Variants in UVRAG observed in about 807,000 individuals in gnomAD.
UVRAG encodes UV radiation resistance-associated gene protein.
In UVRAG, 19 loss-of-function variants were observed where a neutral mutation model predicts 78.0. The observed-to-expected ratio is 0.24, with a 90% confidence interval of 0.17 to 0.36. The LOEUF (loss-of-function observed/expected upper bound fraction) is 0.36, where lower values mean the gene tolerates loss of function less well. Among genes scored for constraint, UVRAG ranks in the 10% least tolerant of loss-of-function variants. The pLI is 1.00. For missense variants in UVRAG, 740 were observed against 853.8 expected (o/e 0.87, Z 1.66); for synonymous variants, 323 against 324.6 (o/e 1.00, Z 0.05).
intron 12 of UVRAG, among the ~76,000 whole-genome samples, chr11:76,060,799 C>T (rs546366272): frequency 7.9e-5 from 12 of 152,254 alleles, no homozygotes; most frequent in East Asian, 3.8e-4. Flanking sequence ...GCTGCCTCCC[C>T]GTGGGGCAGG....
intron 14 of UVRAG, among the ~76,000 whole-genome samples, chr11:76,117,239 G>A (rs924644944): frequency 6.6e-6 from 1 of 152,044 alleles, no homozygotes; most frequent in African/African-American, 2.4e-5. Flanking sequence ...CTAACACAAT[G>A]GTAAATAACC....
At chr11:75,997,006 C>G (rs1327215159) in intron 8 of UVRAG, among the ~76,000 whole-genome samples, 1 of 152,140 alleles carries the variant, frequency 6.6e-6, no homozygotes, top group Non-Finnish European at 1.5e-5. Flanking sequence ...TCTCTTAGCA[C>G]TAAATGCAGA....
intron 1 of UVRAG, among the ~76,000 whole-genome samples, chr11:75,822,679 T>TTA (rs771576227): frequency 4.4e-4 from 67 of 151,106 alleles, no homozygotes; most frequent in African/African-American, 1.6e-3. Context: ...TTTTTTTTTT[T>TTA]AAATAAACAA....
At chr11:75,827,416 C>A (rs1256987551) in intron 1 of UVRAG, among the ~76,000 whole-genome samples, 1 of 152,036 alleles carries the variant, frequency 6.6e-6, no homozygotes, top group Non-Finnish European at 1.5e-5. Flanking sequence ...TCGAGACTAG[C>A]CTGCCCAACA....
At chr11:75,878,028 T>C (rs1160865263) in intron 3 of UVRAG, among the ~76,000 whole-genome samples, 4 of 109,940 alleles carry the variant, frequency 3.6e-5, no homozygotes, top group Admixed American at 2.7e-4. Context: ...CCAGACGGGG[T>C]GGCTGCCGGG....
At chr11:75,959,871 T>G (rs72999579) in intron 6 of UVRAG, among the ~76,000 whole-genome samples, 1,797 of 152,274 alleles carry the variant, frequency 0.012, 25 homozygotes, top group Non-Finnish European at 0.014. Flanking sequence ...CCTAATTTCA[T>G]TATTGTTGTG....
chr11:76,067,266 A>G (rs932142967), intron 13 of UVRAG, among the ~76,000 whole-genome samples: 2 of 152,168 alleles, frequency 1.3e-5, no homozygotes, highest in Non-Finnish European at 2.9e-5. Flanking sequence ...GCCCTCTGAC[A>G]GTCTCTGGCC....
At chr11:75,883,688 C>T (rs557236682) in intron 4 of UVRAG, among the ~76,000 whole-genome samples, 12 of 152,258 alleles carry the variant, frequency 7.9e-5, no homozygotes, top group Middle Eastern at 3.4e-3. Context: ...TTGATGAATA[C>T]CTTCATAGAG....
chr11:75,877,996 G>A (rs991667864), intron 3 of UVRAG, among the ~76,000 whole-genome samples: 32 of 150,758 alleles, frequency 2.1e-4, no homozygotes, highest in Non-Finnish European at 4.0e-4. Context: ...GGCGGCTGCC[G>A]GGCGGAGACG....
At chr11:76,120,840 T>G (rs989890882) in intron 14 of UVRAG, among the ~76,000 whole-genome samples, 7 of 152,192 alleles carry the variant, frequency 4.6e-5, no homozygotes, top group African/African-American at 1.7e-4. Context: ...AGAGCAGCCG[T>G]GGAGTGAGGA....
chr11:75,844,382 A>G (rs1215393185), intron 1 of UVRAG, among the ~76,000 whole-genome samples: 1 of 151,854 alleles, frequency 6.6e-6, no homozygotes, highest in Non-Finnish European at 1.5e-5. Flanking sequence ...GCCCGCCACC[A>G]CGCCTGGCTA....
chr11:76,107,137 C>A (rs1951985794), intron 13 of UVRAG, among the ~76,000 whole-genome samples: 1 of 152,184 alleles, frequency 6.6e-6, no homozygotes, highest in East Asian at 1.9e-4. Flanking sequence ...TAGTTGCTTT[C>A]TGGCCAATAT....
chr11:75,836,514 C>A (rs1487267477), intron 1 of UVRAG, among the ~76,000 whole-genome samples: 1 of 152,168 alleles, frequency 6.6e-6, no homozygotes, highest in Non-Finnish European at 1.5e-5. Flanking sequence ...TTTCAAACTT[C>A]CCATGTTCTC....
intron 9 of UVRAG, among the ~76,000 whole-genome samples, chr11:76,006,597 G>T (rs796419707): frequency 4.4e-5 from 6 of 136,970 alleles, no homozygotes; most frequent in African/African-American, 1.3e-4. Flanking sequence ...GAAGGTCGAG[G>T]CTGCAATGAG....
At chr11:76,042,859 A>G (rs1354684615) in intron 12 of UVRAG, among the ~76,000 whole-genome samples, 1 of 152,218 alleles carries the variant, frequency 6.6e-6, no homozygotes, top group African/African-American at 2.4e-5. Flanking sequence ...GTCTCTACAG[A>G]TGAGAGCTGA....
intron 8 of UVRAG, among the ~76,000 whole-genome samples, chr11:76,001,106 A>G (rs1949805402): frequency 6.6e-6 from 1 of 152,182 alleles, no homozygotes; most frequent in South Asian, 2.1e-4. Flanking sequence ...CATAAGACAA[A>G]CAAATACAAA....
chr11:75,947,487 GA>G (rs1360315726), intron 6 of UVRAG, among the ~76,000 whole-genome samples: 1 of 152,150 alleles, frequency 6.6e-6, no homozygotes, highest in African/African-American at 2.4e-5. Context: ...TAGAATCGTA[GA>G]ATAATGGAAG....
chr11:75,831,722 G>C (rs1461786859), intron 1 of UVRAG, among the ~76,000 whole-genome samples: 1 of 152,202 alleles, frequency 6.6e-6, no homozygotes, highest in Non-Finnish European at 1.5e-5. Context: ...GTGGAAACAA[G>C]GAGCTGGAGA....
chr11:76,070,666 C>T (rs77193079), intron 13 of UVRAG, among the ~76,000 whole-genome samples: 10 of 152,186 alleles, frequency 6.6e-5, no homozygotes, highest in East Asian at 3.9e-4. Flanking sequence ...GTGCTGTGTA[C>T]GCTGAGTTAG....
Sources: allele counts gnomAD v4.1 joint callset (sites outside exome capture counted in the v4.1 genomes callset), GRCh38; gene constraint gnomAD v4.1.1; transcripts MANE v1.5; gene names NCBI Gene and HGNC (gene_info 2026-07-23, HGNC 2026-07-21).